The following RPL22 variants were observed in gnomAD, a reference collection of about 807,000 sequenced individuals.
RPL22 encodes the protein ribosomal protein L22.
Under a neutral mutation model 16.2 loss-of-function variants are expected in RPL22, and 4 were observed. The observed-to-expected ratio is 0.25, with a 90% CI of 0.12 to 0.57. RPL22 has a LOEUF of 0.57. Among genes scored for constraint, RPL22 ranks in the 20% least tolerant of loss-of-function variants. The probability of loss-of-function intolerance (pLI) is 0.92; values close to 1 mark genes in which losing one functional copy is unlikely to be tolerated. For missense variants in RPL22, 83 were observed against 156.1 expected (o/e 0.53, Z 2.49); for synonymous variants, 43 against 54.8 (o/e 0.78, Z 0.95).
chr1:6,186,193 A>T lies in RPL22; in HGVS notation c.*479T>A. On this transcript the variant is annotated 3_prime_UTR_variant, in exon 4 of 4. Transcript: ENST00000234875. ...ATTGTGTGCGTCAAGAGAAATTTGTAATCAAAAAATGAAAGTAAGACGAAT... is the reference window on the plus strand; with the variant it reads ...ATTGTGTGCGTCAAGAGAAATTTGTTATCAAAAAATGAAAGTAAGACGAAT... 1 of 236,346 alleles carries T rather than the reference A, an allele frequency of 4.2e-6. No homozygotes were observed. The highest frequency in any genetic ancestry group is 2.2e-5 in the African/African-American group (1 of 45,456). The allele number at this position is 236,346 out of a possible 1,614,324, so 14.6% of individuals were successfully genotyped here. A position where few individuals can be genotyped will look rare whatever the true frequency, so the allele number is the denominator to read the frequency against.
Position 6,185,088 on chromosome 1 carries a change from C to A in RPL22, c.*1584G>T. On this transcript the variant is annotated 3_prime_UTR_variant, in exon 4 of 4. Coordinates refer to ENST00000234875, the MANE Select transcript of RPL22 (RefSeq NM_000983.4). ...TGATCAAAACTCGATTACAAGAGTT[C>A]AAAAAGACATAGAAAACCAGTGAGT... 2 of 376,934 alleles carry A rather than the reference C, an allele frequency of 5.3e-6. No individual in the cohort carries two copies. Among genetic ancestry groups the A allele is most frequent in the African/African-American group, 4.1e-5 (2 of 48,374 alleles). 23.3% of individuals were successfully genotyped at this position (376,934 alleles called of 1,614,324 possible).
At chr1:6,192,684 G>A (rs1444663383) in intron 3 of RPL22, among the ~76,000 whole-genome samples, 2 of 152,204 alleles carry the variant, frequency 1.3e-5, no homozygotes, top group East Asian at 1.9e-4. Context: ...GGGCGATGGA[G>A]TGAGACTCCA....
At chr1:6,191,364 A>G (rs1405398884) in intron 3 of RPL22, among the ~76,000 whole-genome samples, 6 of 136,476 alleles carry the variant, frequency 4.4e-5, no homozygotes. Context: ...CGTCTCAAAA[A>G]AAAAAAAAAA....
chr1:6,185,706 C>T lies in RPL22; in HGVS notation c.*966G>A, dbSNP rs1667574596. On this transcript the variant is annotated 3_prime_UTR_variant, in exon 4 of 4. Transcript: ENST00000234875. ...AGTCTTTCAAAGTCACTCACAGCAA[C>T]AATTGCATTTTTTTCCCAGCCTTGG... The T allele has an allele frequency of 7.5e-6, 2 of 267,714 alleles. No individual in the cohort carries two copies. The highest frequency in any genetic ancestry group is 1.7e-4 in the South Asian group (1 of 5,812). The allele number at this position is 267,714 out of a possible 1,614,324, so 16.6% of individuals were successfully genotyped here. A position where few individuals can be genotyped will look rare whatever the true frequency, so the allele number is the denominator to read the frequency against.
intron 1 of RPL22, chr1:6,198,074 A>G: frequency 3.5e-6 from 1 of 288,940 alleles, no homozygotes; most frequent in Non-Finnish European, 6.4e-6. Context: ...TATGAACCAC[A>G]ATAAAATGAA....
intron 2 of RPL22, 89 bp downstream of exon 2, chr1:6,197,563 C>T: frequency 1.2e-6 from 1 of 826,566 alleles, no homozygotes; most frequent in South Asian, 1.5e-5. Context: ...GCCTATAAGC[C>T]TGAAAACAGA....
In RPL22 at chr1:6,197,029, C is replaced by CT. The variant is rs963315315; in HGVS notation, c.117+622dup. Among the ~76,000 whole-genome samples the CT allele has an allele frequency of 2.7e-5, 4 of 148,196 alleles. No homozygotes were observed. In the East Asian group the frequency reaches 7.8e-4, roughly 29 times the overall value. ...GTGAAATTTGTCTGTTTCTCAGTAA[C>CT]TTTTTTTGTTTTGTTTTTGAGACGG... On this transcript the variant is annotated intron_variant, in intron 2 of 3. Coordinates refer to ENST00000234875, the MANE Select transcript of RPL22 (RefSeq NM_000983.4).
intron 3 of RPL22, among the ~76,000 whole-genome samples, chr1:6,187,732 G>A (rs1257020718): frequency 6.6e-6 from 1 of 151,978 alleles, no homozygotes; most frequent in Non-Finnish European, 1.5e-5. Context: ...ACTGGAGAAA[G>A]ATAACATGAT....
At chr1:6,191,851 T>C (rs1667655224) in intron 3 of RPL22, among the ~76,000 whole-genome samples, 2 of 151,348 alleles carry the variant, frequency 1.3e-5, no homozygotes. Context: ...TACGAAAAAT[T>C]AGCCAGGCGT....
At chr1:6,197,796 G>C in intron 1 of RPL22, 40 bp from the exon 2 acceptor site, 1 of 1,410,802 alleles carries the variant, frequency 7.1e-7, no homozygotes. Flanking sequence ...TGAAGTTTCA[G>C]TCAGTCGGAA....
At chr1:6,194,818 G>T (rs576866377) in intron 2 of RPL22, among the ~76,000 whole-genome samples, 1 of 152,132 alleles carries the variant, frequency 6.6e-6, no homozygotes, top group Non-Finnish European at 1.5e-5. Flanking sequence ...GGCCTATGAG[G>T]TTGAGGCTGC....
At chr1:6,196,412 T>C (rs1418122028) in intron 2 of RPL22, among the ~76,000 whole-genome samples, 2 of 152,208 alleles carry the variant, frequency 1.3e-5, no homozygotes, top group African/African-American at 4.8e-5. Context: ...AGGACACAGA[T>C]GCAAACAGCA....
chr1:6,195,634 C>A (rs544025448), intron 2 of RPL22, among the ~76,000 whole-genome samples: 1 of 151,858 alleles, frequency 6.6e-6, no homozygotes, highest in Admixed American at 6.6e-5. Context: ...CGCCTGTAAT[C>A]TCAGCTACTC....
Position 6,186,164 on chromosome 1 carries a change from C to A in RPL22, c.*508G>T, listed in dbSNP as rs987763453. ...CTCTAGGAAGAAGAGGATTAGCAGA[C>A]ATAATTGTGTGCGTCAAGAGAAATT... On this transcript the variant is annotated 3_prime_UTR_variant, in exon 4 of 4. Transcript: ENST00000234875. 2.5e-5 allele frequency: 6 copies of A among 235,524 alleles called. No individual in the cohort carries two copies. The highest frequency in any genetic ancestry group is 5.5e-5 in the Admixed American group (1 of 18,124). The allele number at this position is 235,524 out of a possible 1,614,324, so 14.6% of individuals were successfully genotyped here.
At chr1:6,188,792 AT>A (rs764758751) in intron 3 of RPL22, among the ~76,000 whole-genome samples, 432 of 143,008 alleles carry the variant, frequency 3.0e-3, no homozygotes, top group Middle Eastern at 3.7e-3. Flanking sequence ...GATCCCTGGC[AT>A]TTTTTTTTTT....
Position 6,185,482 on chromosome 1 carries a change from A to C in RPL22, c.*1190T>G. 2.5e-6 allele frequency: 1 copy of C among 397,852 alleles called. No homozygotes were observed. Among genetic ancestry groups the C allele is most frequent in the Non-Finnish European group, 4.4e-6 (1 of 225,576 alleles). The allele number at this position is 397,852 out of a possible 1,614,324, so 24.6% of individuals were successfully genotyped here. ...TCAACACGTTCAACTCAATCCACAG[A>C]GCACCAAATGTTTAATGGGAGCCAA... is the stretch of plus-strand genomic sequence containing the variant. On this transcript the variant is annotated 3_prime_UTR_variant, in exon 4 of 4. Coordinates refer to ENST00000234875, the MANE Select transcript of RPL22 (RefSeq NM_000983.4).
intron 2 of RPL22, 102 bp from the exon 3 acceptor site, chr1:6,193,156 T>C: frequency 6.9e-7 from 1 of 1,450,336 alleles, no homozygotes; most frequent in Non-Finnish European, 9.4e-7. Context: ...TTTTTTGTTT[T>C]GGTTTTGGAG....
At chr1:6,193,895 G>A (rs1315616308) in intron 2 of RPL22, among the ~76,000 whole-genome samples, 2 of 152,180 alleles carry the variant, frequency 1.3e-5, no homozygotes, top group Non-Finnish European at 2.9e-5. Context: ...GAAAGGCTTA[G>A]AAGGACAACA....
chr1:6,190,659 G>A (rs1667638293), intron 3 of RPL22, among the ~76,000 whole-genome samples: 1 of 152,132 alleles, frequency 6.6e-6, no homozygotes, highest in Admixed American at 6.5e-5. Context: ...GATTTAGTAT[G>A]ATTAAAAGCT....
Sources: allele counts gnomAD v4.1 joint callset (sites outside exome capture counted in the v4.1 genomes callset), GRCh38; gene constraint gnomAD v4.1.1; transcripts MANE v1.5; gene names NCBI Gene and HGNC (gene_info 2026-07-23, HGNC 2026-07-21).